The following SLC44A5 variants were observed in gnomAD, a reference collection of about 807,000 sequenced individuals.
SLC44A5 encodes the protein choline transporter-like protein 5.
In SLC44A5, 57 loss-of-function variants were observed where a neutral mutation model predicts 101.8. The ratio of observed to expected loss-of-function variants is 0.56; its 90% CI spans 0.45 to 0.70. The LOEUF (loss-of-function observed/expected upper bound fraction) is 0.70, where lower values mean the gene tolerates loss of function less well. Ranked by LOEUF, SLC44A5 falls within the 30% of genes least tolerant of loss-of-function variation. The pLI is 0.00. For missense variants in SLC44A5, 737 were observed against 853.1 expected, an observed-to-expected ratio of 0.86 and a Z score of 1.70; for synonymous variants, 281 against 290.9, an observed-to-expected ratio of 0.97 and a Z score of 0.35.
chr1:75,493,245 C>T (rs1236271003), intron 2 of SLC44A5, among the ~76,000 whole-genome samples: 3 of 152,052 alleles, frequency 2.0e-5, no homozygotes, highest in Non-Finnish European at 4.4e-5. Flanking sequence ...CAATGACATA[C>T]ATAAAGAATG....
intron 23 of SLC44A5, among the ~76,000 whole-genome samples, chr1:75,207,782 C>CA (rs1364490761): frequency 6.6e-6 from 1 of 152,078 alleles, no homozygotes; most frequent in East Asian, 1.9e-4. Flanking sequence ...ATATGAAATG[C>CA]AAAATTCCAG....
chr1:75,623,967 C>T, the SLC44A5 span, among the ~76,000 whole-genome samples: 2 of 152,094 alleles, frequency 1.3e-5, no homozygotes, highest in Non-Finnish European at 2.9e-5. Context: ...TTCTAAATAC[C>T]ATCATTCACT....
At position 75,217,950 on chromosome 1, in the gene SLC44A5, CTG is replaced by C. The variant is rs765523776; in HGVS notation, c.1538_1539del (p.Thr513ArgfsTer17). 2 of 1,593,098 alleles carry C rather than the reference CTG, an allele frequency of 1.3e-6. No individual in the cohort carries two copies. Among genetic ancestry groups the C allele is most frequent in the Non-Finnish European group, 1.7e-6 (2 of 1,161,568 alleles). ...ATTAAAGATCCAAATGCTAGGGATC[CTG>C]TGTGATATCTGCACAAAAATAAAAT... Reference protein sequence around the residue: ...TAFGRAIRYHTGSLAFGSLII... With the variant: ...TAFGRAIRYHXGSLAFGSLII... On this transcript the variant is annotated frameshift_variant, in exon 18 of 24. Coordinates refer to ENST00000370859, the MANE Select transcript of SLC44A5 (RefSeq NM_001130058.2). LOFTEE classifies it high-confidence loss of function.
Position 75,480,700 on chromosome 1 carries a change from T to A in SLC44A5, c.13+60735A>T, listed in dbSNP as rs4949671. Among the ~76,000 whole-genome samples, 393 of 151,704 alleles carry A rather than the reference T, an allele frequency of 2.6e-3. 1 individual carries two copies. Among genetic ancestry groups the A allele is most frequent in the African/African-American group, 9.2e-3 (379 of 41,326 alleles). On this transcript the variant is annotated intron_variant, in intron 2 of 23. Transcript: ENST00000370859. ...ACCTAGGAATCCACCTTACAAGGGA[T>A]GTGAAGGACCTCTTCAAGGAGAACT...
chr1:75,601,124 C>T (rs897653661), intron 1 of SLC44A5, among the ~76,000 whole-genome samples: 12 of 152,036 alleles, frequency 7.9e-5, no homozygotes, highest in African/African-American at 1.2e-4. Flanking sequence ...TTTTGGCTAG[C>T]GACATTTCAG....
At position 75,213,943 on chromosome 1, in the gene SLC44A5, T is replaced by C; in HGVS notation, c.1849A>G (p.Lys617Glu). 6.3e-7 allele frequency: 1 copy of C among 1,596,184 alleles called. No individual in the cohort carries two copies. Among genetic ancestry groups the C allele is most frequent in the Non-Finnish European group, 8.6e-7 (1 of 1,169,448 alleles). ...EVTYFVLFLG[K>E]LLVAGSIGVL... is the part of the protein sequence containing the mutation. ...CCTATACTTCCAGCAACTAGAAGTTTCCCCAGGAATAATACAAAGTATGTA... is the reference window on the plus strand; with the variant it reads ...CCTATACTTCCAGCAACTAGAAGTTCCCCCAGGAATAATACAAAGTATGTA... Residue 617 changes from lysine (K) to glutamate (E), a missense_variant, in exon 21 of 24, where the codon AAA becomes GAA. Lys to Glu is a moderately conservative substitution (Grantham distance 56). Transcript: ENST00000370859.
intron 2 of SLC44A5, among the ~76,000 whole-genome samples, chr1:75,497,508 C>T (rs986597929): frequency 6.6e-6 from 1 of 151,756 alleles, no homozygotes; most frequent in African/African-American, 2.4e-5. Flanking sequence ...AGATGCTGGG[C>T]AAATGGAACA....
At chr1:75,220,326 C>A (rs1314177981) in intron 14 of SLC44A5, among the ~76,000 whole-genome samples, 1 of 152,062 alleles carries the variant, frequency 6.6e-6, no homozygotes, top group Non-Finnish European at 1.5e-5. Flanking sequence ...GTGATGGGTA[C>A]TTACTTTTAC....
At chr1:75,261,754 C>T (rs1001652687) in intron 6 of SLC44A5, among the ~76,000 whole-genome samples, 7 of 152,004 alleles carry the variant, frequency 4.6e-5, no homozygotes, top group Admixed American at 2.6e-4. Context: ...AACATGGATG[C>T]GAAAATCCTC....
intron 1 of SLC44A5, among the ~76,000 whole-genome samples, chr1:75,555,822 G>A (rs1044924148): frequency 6.6e-5 from 10 of 152,014 alleles, no homozygotes; most frequent in Admixed American, 1.3e-4. Flanking sequence ...ATTCTCCATC[G>A]TTAGATGAAA....
intron 3 of SLC44A5, among the ~76,000 whole-genome samples, chr1:75,358,779 G>C (rs896492865): frequency 2.6e-5 from 4 of 152,150 alleles, no homozygotes; most frequent in African/African-American, 9.7e-5. Context: ...TTCAATACAT[G>C]TATACAATGT....
chr1:75,215,872 T>G lies in SLC44A5; in HGVS notation c.1625-15A>C, dbSNP rs754717768. On this transcript the variant is annotated splice_polypyrimidine_tract_variant and intron_variant, in intron 18 of 23. Coordinates refer to ENST00000370859, the MANE Select transcript of SLC44A5 (RefSeq NM_001130058.2). ...GTTCTGGGTACCTATGAGAAGGAGA[T>G]ATTTAAATCTATTAATGATTTGCAG... is the stretch of plus-strand genomic sequence containing the variant. 1.8e-4 allele frequency: 213 copies of G among 1,159,310 alleles called. No homozygotes were observed. Among genetic ancestry groups the G allele is most frequent in the Non-Finnish European group, 2.6e-4 (198 of 773,892 alleles). The allele number at this position is 1,159,310 out of a possible 1,614,324, so 71.8% of individuals were successfully genotyped here. A position where few individuals can be genotyped will look rare whatever the true frequency, so the allele number is the denominator to read the frequency against.
chr1:75,564,943 G>T (rs1204339440), intron 1 of SLC44A5, among the ~76,000 whole-genome samples: 1 of 152,152 alleles, frequency 6.6e-6, no homozygotes, highest in Non-Finnish European at 1.5e-5. Context: ...TTATTTTTAA[G>T]TCCTGGGGTA....
chr1:75,510,311 A>G (rs748357585), intron 2 of SLC44A5, among the ~76,000 whole-genome samples: 1 of 152,222 alleles, frequency 6.6e-6, no homozygotes, highest in Non-Finnish European at 1.5e-5. Context: ...TGCAGCAGAA[A>G]GTCCAAGGAT....
chr1:75,304,450 T>C (rs951501742), intron 4 of SLC44A5, among the ~76,000 whole-genome samples: 46 of 152,280 alleles, frequency 3.0e-4, no homozygotes, highest in African/African-American at 1.1e-3. Flanking sequence ...AAATTGAATG[T>C]GAACAAATCA....
chr1:75,461,021 T>C (rs1666465135), intron 2 of SLC44A5, among the ~76,000 whole-genome samples: 1 of 150,474 alleles, frequency 6.6e-6, no homozygotes, highest in African/African-American at 2.5e-5. Context: ...ATATTAATGA[T>C]AGTGAAAAAA....
At chr1:75,211,087 G>T (rs1220849724) in intron 23 of SLC44A5, among the ~76,000 whole-genome samples, 1 of 152,108 alleles carries the variant, frequency 6.6e-6, no homozygotes, top group Non-Finnish European at 1.5e-5. Context: ...ATTAACTATA[G>T]TCACCATGCT....
intron 1 of SLC44A5, among the ~76,000 whole-genome samples, chr1:75,544,598 T>A (rs1285031428): frequency 1.1e-4 from 17 of 152,200 alleles, no homozygotes. Flanking sequence ...AATACTTCAG[T>A]GTTCATTTCC....
At chr1:75,699,140 G>C in the SLC44A5 span, among the ~76,000 whole-genome samples, 1 of 152,014 alleles carries the variant, frequency 6.6e-6, no homozygotes, top group Non-Finnish European at 1.5e-5. Flanking sequence ...TCAGATTCAG[G>C]AAATACAGAG....
Sources: allele counts gnomAD v4.1 joint callset (sites outside exome capture counted in the v4.1 genomes callset), GRCh38; gene constraint gnomAD v4.1.1; transcripts MANE v1.5; gene names NCBI Gene and HGNC (gene_info 2026-07-23, HGNC 2026-07-21).